The following LILRB5 variants were observed in gnomAD, a reference collection of about 807,000 sequenced individuals.
The protein encoded by LILRB5 is leukocyte immunoglobulin like receptor B5.
LILRB5 carries 61 observed loss-of-function variants against 68.4 expected under a neutral mutation model. That is an observed-to-expected ratio of 0.89 (90% CI 0.73 to 1.10). LILRB5 has a LOEUF of 1.10. Ranked by LOEUF, LILRB5 falls within the 50% of genes least tolerant of loss-of-function variation. The pLI is 0.00. For synonymous variants in LILRB5, 356 were observed against 315.8 expected (o/e 1.13, Z -1.35); for missense variants, 771 against 751.6 (o/e 1.03, Z -0.30).
intron 9 of LILRB5, 105 bp from the exon 10 acceptor site, chr19:54,252,654 G>A (rs2078998798): frequency 4.5e-6 from 6 of 1,318,866 alleles, no homozygotes; most frequent in Non-Finnish European, 6.4e-6. Context: ...CACTGGCACT[G>A]AGGCTTTAAA....
chr19:54,254,987 C>A lies in LILRB5; in HGVS notation c.1003G>T (p.Ala335Ser), dbSNP rs1358498131. ...ALSVQPGPKV[A>S]SGENVTLLCQ... is the part of the protein sequence containing the mutation. ...AGCAGGGTCACGTTCTCTCCTGAGG[C>A]CACCTTGGGGCCCGGCTGCACCGAG... is the stretch of plus-strand genomic sequence containing the variant. The change falls in exon 6 of 13, where the codon GCC becomes TCC. Residue 335 changes from alanine to serine, a missense_variant. Ala to Ser is a moderately conservative substitution (Grantham distance 99). Coordinates refer to ENST00000449561, the MANE Select transcript of LILRB5 (RefSeq NM_001081442.3). 1.2e-6 allele frequency: 2 copies of A among 1,612,638 alleles called. No homozygotes were observed. The highest frequency in any genetic ancestry group is 1.6e-4 in the Middle Eastern group (1 of 6,062).
At position 54,256,181 on chromosome 19, in the gene LILRB5, T is replaced by TG. The variant is rs1186865692; in HGVS notation, c.516dup (p.Lys173GlnfsTer39). On this transcript the variant is annotated frameshift_variant, in exon 4 of 13. Transcript: ENST00000449561. LOFTEE classifies it high-confidence loss of function. The stretch of plus-strand genomic sequence containing the variant: ...GGGAACAGGGCCTGGGATGGCCCTT[T>TG]GGGGAGCTTCTGTGAGTACAGGGTC... 1.9e-6 allele frequency: 3 copies of TG among 1,613,846 alleles called. No homozygotes were observed. The highest frequency in any genetic ancestry group is 2.5e-6 in the Non-Finnish European group (3 of 1,179,912).
Position 54,250,709 on chromosome 19 carries a change from C to G in LILRB5, c.*77G>C. The G allele has an allele frequency of 6.3e-7, 1 of 1,586,514 alleles. No homozygotes were observed. Among genetic ancestry groups the G allele is most frequent in the Non-Finnish European group, 8.6e-7 (1 of 1,161,122 alleles). On this transcript the variant is annotated 3_prime_UTR_variant, in exon 13 of 13. Coordinates refer to ENST00000449561, the MANE Select transcript of LILRB5 (RefSeq NM_001081442.3). ...AGGCTGGCTGGGGTTCATTGGTGTCCACTGGGGGCAGCTCCTGTGCCTTCT... is the reference window on the plus strand; with the variant it reads ...AGGCTGGCTGGGGTTCATTGGTGTCGACTGGGGGCAGCTCCTGTGCCTTCT...
At chr19:54,254,218 G>T (rs2079046917) in intron 7 of LILRB5, 147 bp downstream of exon 7, 2 of 1,458,482 alleles carry the variant, frequency 1.4e-6, no homozygotes, top group Non-Finnish European at 9.2e-7. Context: ...GCCCCGGGGA[G>T]CCTGTGGCCC....
chr19:54,256,797 T>A (rs767762154), intron 2 of LILRB5, 24 bp from the exon 3 acceptor site: 1 of 1,611,808 alleles, frequency 6.2e-7, no homozygotes, highest in South Asian at 1.1e-5. Flanking sequence ...AGAGGCTGGA[T>A]CCCAAGACAT....
At position 54,254,973 on chromosome 19, in the gene LILRB5, G is replaced by A. The variant is rs200454879; in HGVS notation, c.1017C>T (p.Asn339=). The change falls in exon 6 of 13, where the codon AAC becomes AAT. Residue 339 remains asparagine (N), a synonymous_variant. Transcript: ENST00000449561. ...GCCATGACTGACACAGCAGGGTCACGTTCTCTCCTGAGGCCACCTTGGGGC... is the reference window on the plus strand; with the variant it reads ...GCCATGACTGACACAGCAGGGTCACATTCTCTCCTGAGGCCACCTTGGGGC... ...QPGPKVASGE[N]VTLLCQSWHQ... 617 of 1,613,946 alleles carry A rather than the reference G, an allele frequency of 3.8e-4. 4 individuals are homozygous for A. Among genetic ancestry groups the A allele is most frequent in the Middle Eastern group, 1.7e-4 (1 of 6,060 alleles).
rs144550323 is a variant in LILRB5, at chr19:54,255,029, G to T, written c.961C>A (p.Pro321Thr). The change falls in exon 6 of 13, where the codon CCT becomes ACT. Residue 321 changes from proline (P) to threonine (T), a missense_variant. Pro to Thr is a conservative substitution (Grantham distance 38). Coordinates refer to ENST00000449561, the MANE Select transcript of LILRB5 (RefSeq NM_001081442.3). ...PLDILIAGLI[P>T]DIPALSVQPG... ...TGCACCGAGAGGGCGGGTATGTCAG[G>T]GATCAGTCCTGGAGAGAAGAAGGAT... The T allele has an allele frequency of 3.7e-6, 6 of 1,606,496 alleles. No homozygotes were observed. The African/African-American group carries it at 6.7e-5, about 18-fold the overall frequency.
rs1237901567 is a variant in LILRB5 at position 54,249,825 on chromosome 19, G to T, written c.*961C>A. 1 of 152,238 alleles carries T rather than the reference G, an allele frequency of 6.6e-6. No individual in the cohort carries two copies. The highest frequency in any genetic ancestry group is 1.5e-5 in the Non-Finnish European group (1 of 68,066). 9.4% of individuals were successfully genotyped at this position (152,238 alleles called of 1,614,324 possible). On this transcript the variant is annotated 3_prime_UTR_variant, in exon 13 of 13. Coordinates refer to ENST00000449561, the MANE Select transcript of LILRB5 (RefSeq NM_001081442.3). ...AGGCGGGCGGATCACCTGAGGTCGG[G>T]AGTTTGAGACCAGCCTGACCAACAT...
chr19:54,254,416 C>G lies in LILRB5; in HGVS notation c.1256-1G>C. 1 of 1,583,234 alleles carries G rather than the reference C, an allele frequency of 6.3e-7. No individual in the cohort carries two copies. Among genetic ancestry groups the G allele is most frequent in the Non-Finnish European group, 8.6e-7 (1 of 1,164,764 alleles). ...GAGAGGCTGGGATCCCCAGAGGGTC[C>G]TGGGAATAAGCACAGAAAGGGAGCG... On this transcript the variant is annotated splice_acceptor_variant, in intron 6 of 12. Transcript: ENST00000449561. LOFTEE classifies it high-confidence loss of function.
At chr19:54,255,078 C>G in intron 5 of LILRB5, 41 bp from the exon 6 acceptor site, 1 of 1,558,930 alleles carries the variant, frequency 6.4e-7, no homozygotes, top group South Asian at 1.2e-5. Context: ...CCCCACCTTG[C>G]TCTGAGCTGA....
At position 54,250,012 on chromosome 19, in the gene LILRB5, A is replaced by C. The variant is rs962565481; in HGVS notation, c.*774T>G. 6.6e-5 allele frequency: 10 copies of C among 151,804 alleles called. No individual in the cohort carries two copies. The highest frequency in any genetic ancestry group is 1.3e-4 in the Non-Finnish European group (9 of 68,090). The allele number at this position is 151,804 out of a possible 1,614,324, so 9.4% of individuals were successfully genotyped here. A position where few individuals can be genotyped will look rare whatever the true frequency, so the allele number is the denominator to read the frequency against. Reference sequence around the variant, plus strand: ...CACTCCACTGTACTCCAGCCTGGTGATAGAGCGAGACTCCGTCTCAAAAAA... The same window carrying C: ...CACTCCACTGTACTCCAGCCTGGTGCTAGAGCGAGACTCCGTCTCAAAAAA... On this transcript the variant is annotated 3_prime_UTR_variant, in exon 13 of 13. Transcript: ENST00000449561.
At chr19:54,254,581 T>C (rs1307802795) in intron 6 of LILRB5, 154 bp downstream of exon 6, 2 of 1,232,236 alleles carry the variant, frequency 1.6e-6, no homozygotes, top group African/African-American at 3.0e-5. Context: ...GCCCCCGTTG[T>C]CCTCCTCCCC....
rs764011244 is a variant in LILRB5 at position 54,252,951 on chromosome 19, G to A, written c.1394C>T (p.Ser465Leu). The A allele has an allele frequency of 1.9e-6, 3 of 1,576,764 alleles. No individual in the cohort carries two copies. The highest frequency in any genetic ancestry group is 2.6e-6 in the Non-Finnish European group (3 of 1,156,594). Residue 465 changes from serine (S) to leucine (L), a missense_variant, in exon 9 of 13, where the codon TCA (serine) becomes TTA (leucine). Transcript: ENST00000449561. The part of the protein sequence containing the change: ...GRHLGVVTGV[S>L]VAFVLLLFLL... ...GAACAGCAGCAGGACGAAGGCCACT[G>A]AGACCCCAGTCACAACCCCCAGGTG... is the stretch of plus-strand genomic sequence containing the variant.
In LILRB5 at chr19:54,250,773, G is replaced by T; in HGVS notation, c.*13C>A. 2 of 1,613,954 alleles carry T rather than the reference G, an allele frequency of 1.2e-6. No homozygotes were observed. Among genetic ancestry groups the T allele is most frequent in the Admixed American group, 3.3e-5 (2 of 60,024 alleles). On this transcript the variant is annotated 3_prime_UTR_variant, in exon 13 of 13. Coordinates refer to ENST00000449561, the MANE Select transcript of LILRB5 (RefSeq NM_001081442.3). The stretch of plus-strand genomic sequence containing the variant: ...CTCCTTCTGTTGAGTATGAGATCTG[G>T]GTCCCCCGTGGGCTAGTGGATGGCC...
intron 11 of LILRB5, 58 bp from the exon 12 acceptor site, chr19:54,252,164 C>T: frequency 2.5e-6 from 4 of 1,580,410 alleles, no homozygotes; most frequent in East Asian, 2.2e-5. Context: ...ACTTCTCCGT[C>T]CTGCCAGCCC....
Position 54,252,991 on chromosome 19 carries a change from G to A in LILRB5, c.1358-4C>T, listed in dbSNP as rs377427856. The A allele has an allele frequency of 3.9e-6, 6 of 1,544,738 alleles. No homozygotes were observed. In the African/African-American group the frequency reaches 5.5e-5, roughly 14 times the overall value. ...ACCCCCAGGTGCCTTCCCAGACCTT[G>A]AGCGTGATGACGTTGGGAATGGGGA... On this transcript the variant is annotated splice_region_variant and splice_polypyrimidine_tract_variant and intron_variant, in intron 8 of 12. Transcript: ENST00000449561.
chr19:54,256,002 G>A, intron 4 of LILRB5, 41 bp downstream of exon 4: 2 of 1,475,004 alleles, frequency 1.4e-6, no homozygotes, highest in Non-Finnish European at 1.8e-6. Flanking sequence ...AACCTATCTG[G>A]TTCCCCAAAA....
chr19:54,254,503 CTT>C, intron 6 of LILRB5, 88 bp from the exon 7 acceptor site: 1 of 1,429,766 alleles, frequency 7.0e-7, no homozygotes, highest in Non-Finnish European at 9.5e-7. Context: ...TCTCTGGAAA[CTT>C]TCTTCTGCTC....
chr19:54,254,763 A>C lies in LILRB5; in HGVS notation c.1227T>G (p.Pro409=), dbSNP rs748597256. The part of the protein sequence containing the change: ...IRSYPYLLSS[P]SYPQELVVSG... ...AGACCACGAGCTCCTGGGGGTAACT[A>C]GGGCTGGACAGCAGGTAGGGGTAGG... is the stretch of plus-strand genomic sequence containing the variant. The change falls in exon 6 of 13, where the codon CCT becomes CCG. Residue 409 remains proline, a synonymous_variant. Coordinates refer to ENST00000449561, the MANE Select transcript of LILRB5 (RefSeq NM_001081442.3). 6.2e-7 allele frequency: 1 copy of C among 1,614,018 alleles called. No individual in the cohort carries two copies. The highest frequency in any genetic ancestry group is 8.5e-7 in the Non-Finnish European group (1 of 1,179,960).
Sources: gnomAD v4.1 joint callset for allele counts on GRCh38, gnomAD v4.1.1 for gene constraint, MANE v1.5 for transcripts, NCBI Gene and HGNC (gene_info 2026-07-23, HGNC 2026-07-21) for gene names.